The following NBEA variants were observed in gnomAD, a reference collection of about 807,000 sequenced individuals.
NBEA encodes lysosomal-trafficking regulator 2.
NBEA carries 44 observed loss-of-function variants against 343.4 expected under a neutral mutation model. The observed-to-expected ratio is 0.13, with a 90% CI of 0.10 to 0.16. NBEA has a LOEUF of 0.16. Among genes scored for constraint, NBEA ranks in the 10% least tolerant of loss-of-function variants. NBEA has a pLI of 1.00. For synonymous variants in NBEA, 1,175 were observed against 1,238.7 expected, an observed-to-expected ratio of 0.95 and a Z score of 1.08; for missense variants, 2,555 against 3,631.3, an observed-to-expected ratio of 0.70 and a Z score of 7.62.
chr13:35,198,103 A>G (rs1048240878), intron 31 of NBEA, among the ~76,000 whole-genome samples: 7 of 152,074 alleles, frequency 4.6e-5, no homozygotes, highest in Non-Finnish European at 7.4e-5. Context: ...TGGTATTAAT[A>G]TTGTGTTTGG....
chr13:35,229,460 C>G (rs564395468), intron 33 of NBEA, among the ~76,000 whole-genome samples: 7 of 152,200 alleles, frequency 4.6e-5, no homozygotes, highest in African/African-American at 1.4e-4. Context: ...CTGAAGAATA[C>G]CTGGTTTTAT....
At chr13:35,212,567 C>T (rs1029096606) in intron 33 of NBEA, among the ~76,000 whole-genome samples, 3 of 151,714 alleles carry the variant, frequency 2.0e-5, no homozygotes, top group African/African-American at 4.8e-5. Context: ...ATTGCTGATT[C>T]GTAGTGTTTG....
At chr13:35,222,598 A>G (rs2074430669) in intron 33 of NBEA, among the ~76,000 whole-genome samples, 1 of 151,968 alleles carries the variant, frequency 6.6e-6, no homozygotes, top group South Asian at 2.1e-4. Context: ...ATATTGTCTT[A>G]TTGTAGACAA....
At chr13:35,006,602 G>T (rs1477551026) in intron 1 of NBEA, among the ~76,000 whole-genome samples, 1 of 151,888 alleles carries the variant, frequency 6.6e-6, no homozygotes, top group Non-Finnish European at 1.5e-5. Context: ...TTTACTTTCT[G>T]CCTGAAACAT....
chr13:35,584,466 G>A (rs961436806), intron 46 of NBEA, among the ~76,000 whole-genome samples: 1 of 150,960 alleles, frequency 6.6e-6, no homozygotes, highest in East Asian at 2.0e-4. Context: ...CTACAGGCAT[G>A]TAACACCTTG....
intron 1 of NBEA, among the ~76,000 whole-genome samples, chr13:34,965,556 A>G (rs925936837): frequency 4.6e-5 from 7 of 152,036 alleles, no homozygotes; most frequent in African/African-American, 1.7e-4. Flanking sequence ...GGCACAGTGT[A>G]TTCTAAATAG....
At chr13:35,213,316 TGTCTGTCTTTAA>T (rs1473195513) in intron 33 of NBEA, among the ~76,000 whole-genome samples, 2 of 152,068 alleles carry the variant, frequency 1.3e-5, no homozygotes, top group Non-Finnish European at 2.9e-5. Flanking sequence ...CTCATCTCTT[TGTCTGTCTTTAA>T]GTCATACCAT....
At chr13:35,332,168 T>C (rs1014810176) in intron 36 of NBEA, among the ~76,000 whole-genome samples, 3 of 152,206 alleles carry the variant, frequency 2.0e-5, no homozygotes, top group African/African-American at 7.2e-5. Context: ...TTGTACGTCA[T>C]TTACTGAATT....
intron 49 of NBEA, among the ~76,000 whole-genome samples, chr13:35,629,394 A>G (rs1039705269): frequency 9.2e-5 from 14 of 152,344 alleles, no homozygotes; most frequent in Middle Eastern, 3.4e-3. Flanking sequence ...TATTTCTTAT[A>G]TACCTCTATA....
chr13:35,058,207 T>C (rs777085246), intron 7 of NBEA, among the ~76,000 whole-genome samples: 43 of 152,134 alleles, frequency 2.8e-4, no homozygotes, highest in Admixed American at 5.3e-4. Flanking sequence ...TACTCATATA[T>C]GAGAAGCGAT....
intron 38 of NBEA, among the ~76,000 whole-genome samples, chr13:35,420,974 G>A (rs1250766181): frequency 1.3e-5 from 2 of 151,170 alleles, no homozygotes; most frequent in Non-Finnish European, 3.0e-5. Flanking sequence ...TTTCTCTGTT[G>A]TTTTTCTGTT....
Position 34,942,542 on chromosome 13 carries a change from G to A in NBEA, c.-279G>A. 1 of 215,176 alleles carries A rather than the reference G, an allele frequency of 4.6e-6. No individual in the cohort carries two copies. Among genetic ancestry groups the A allele is most frequent in the Non-Finnish European group, 8.7e-6 (1 of 114,472 alleles). 13.3% of individuals were successfully genotyped at this position (215,176 alleles called of 1,614,324 possible). ...GGCAGCGGCGGCGGCAGCGGCAGCGGCAGCGGCACACCTGCTGGGCGGGCA... is the reference window on the plus strand; with the variant it reads ...GGCAGCGGCGGCGGCAGCGGCAGCGACAGCGGCACACCTGCTGGGCGGGCA... On this transcript the variant is annotated 5_prime_UTR_variant, in exon 1 of 59. Transcript: ENST00000379939.
At chr13:35,443,205 G>T (rs2045833519) in intron 39 of NBEA, among the ~76,000 whole-genome samples, 1 of 151,942 alleles carries the variant, frequency 6.6e-6, no homozygotes, top group African/African-American at 2.4e-5. Flanking sequence ...CCTACCTAAA[G>T]ACGTAATATT....
chr13:35,501,320 A>T (rs1194406202), intron 41 of NBEA, among the ~76,000 whole-genome samples: 1 of 152,138 alleles, frequency 6.6e-6, no homozygotes. Context: ...TGTGGAAAAT[A>T]CCAGCTAAAT....
Position 35,196,180 on chromosome 13 carries a change from A to G in NBEA, c.5244A>G (p.Lys1748=). The G allele has an allele frequency of 1.2e-6, 2 of 1,613,638 alleles. No homozygotes were observed. Among genetic ancestry groups the G allele is most frequent in the Non-Finnish European group, 1.7e-6 (2 of 1,179,728 alleles). Residue 1748 remains lysine (K), a synonymous_variant, in exon 31 of 59, where the codon AAA becomes AAG. Coordinates refer to ENST00000379939, the MANE Select transcript of NBEA (RefSeq NM_001385012.1). The part of the protein sequence containing the change: ...TKGINVKEIL[K]SLVAAPVEIA... ...GCATCAATGTGAAGGAAATACTGAA[A>G]AGTCTTGTGGCTGCTCCAGTTGAAA...
At chr13:35,184,208 T>C in intron 30 of NBEA, 137 bp downstream of exon 30, 1 of 559,452 alleles carries the variant, frequency 1.8e-6, no homozygotes, top group South Asian at 3.1e-5. Flanking sequence ...GTTGTATTTA[T>C]ACCTAGCTAT....
intron 41 of NBEA, among the ~76,000 whole-genome samples, chr13:35,513,679 G>C (rs1219893338): frequency 6.6e-6 from 1 of 151,892 alleles, no homozygotes; most frequent in Non-Finnish European, 1.5e-5. Context: ...TAGATGTAAA[G>C]TATATAAATT....
chr13:35,651,705 A>G (rs947656023), intron 52 of NBEA, 100 bp from the exon 53 acceptor site: 21 of 736,026 alleles, frequency 2.9e-5, no homozygotes, highest in Non-Finnish European at 5.0e-5. Flanking sequence ...TTTTTAAGCA[A>G]ATATGCATTT....
intron 1 of NBEA, among the ~76,000 whole-genome samples, chr13:35,016,617 CACACATTT>C (rs1239497555): frequency 4.1e-5 from 6 of 144,812 alleles, no homozygotes; most frequent in Non-Finnish European, 9.1e-5. Context: ...CACACACACA[CACACATTT>C]ATTTATTTTA....
Sources: allele counts gnomAD v4.1 joint callset (sites outside exome capture counted in the v4.1 genomes callset), GRCh38; gene constraint gnomAD v4.1.1; transcripts MANE v1.5; gene names NCBI Gene and HGNC (gene_info 2026-07-23, HGNC 2026-07-21).